Variants in HECTD4 observed in about 807,000 individuals in gnomAD.
HECTD4 encodes HECT domain E3 ubiquitin protein ligase 4.
Under a neutral mutation model 471.5 loss-of-function variants are expected in HECTD4, and 114 were observed. The observed-to-expected ratio is 0.24, with a 90% CI of 0.21 to 0.28. The LOEUF is 0.28. HECTD4 is among the 10% of genes least tolerant of loss of function. HECTD4 has a pLI of 1.00. For synonymous variants in HECTD4, 2,012 were observed against 2,256.0 expected, an observed-to-expected ratio of 0.89 and a Z score of 3.07; for missense variants, 3,866 against 5,651.5, an observed-to-expected ratio of 0.68 and a Z score of 10.13.
chr12:112,267,810 A>G (rs1005773428), intron 13 of HECTD4, among the ~76,000 whole-genome samples: 1 of 152,114 alleles, frequency 6.6e-6, no homozygotes, highest in Non-Finnish European at 1.5e-5. Flanking sequence ...GTGTGTGCTT[A>G]TATGTGTGCA....
At chr12:112,190,701 A>G (rs2032047742) in intron 60 of HECTD4, 85 bp downstream of exon 60, 3 of 1,345,894 alleles carry the variant, frequency 2.2e-6, no homozygotes, top group South Asian at 2.9e-5. Context: ...GCCACTCCCT[A>G]CACCACCTGG....
intron 64 of HECTD4, among the ~76,000 whole-genome samples, chr12:112,178,440 C>T (rs1053236020): frequency 2.6e-5 from 4 of 152,250 alleles, no homozygotes; most frequent in Non-Finnish European, 5.9e-5. Flanking sequence ...GGCTTTCCAG[C>T]CTTCATGGTC....
intron 10 of HECTD4, among the ~76,000 whole-genome samples, chr12:112,274,097 C>T (rs987767805): frequency 2.6e-5 from 4 of 152,306 alleles, no homozygotes; most frequent in African/African-American, 9.6e-5. Context: ...ACATTAAAAA[C>T]ACAGGTATAA....
At position 112,231,770 on chromosome 12, in the gene HECTD4, A is replaced by G. The variant is rs2033386858; in HGVS notation, c.5998-55T>C. 10 of 1,451,560 alleles carry G rather than the reference A, an allele frequency of 6.9e-6. No homozygotes were observed. The East Asian group carries it at 2.4e-4, about 35-fold the overall frequency. 89.9% of individuals were successfully genotyped at this position (1,451,560 alleles called of 1,614,324 possible). ...TTCATTTCAGTCTTCCCAGCACTAT[A>G]TTTTTCAAGTCTATTTCCCCTCAAT... is the stretch of plus-strand genomic sequence containing the variant. On this transcript the variant is annotated intron_variant, in intron 38 of 75. Coordinates refer to ENST00000682272, the MANE Select transcript of HECTD4 (RefSeq NM_001388303.1).
intron 34 of HECTD4, among the ~76,000 whole-genome samples, chr12:112,238,618 T>A (rs2033569778): frequency 6.6e-6 from 1 of 152,078 alleles, no homozygotes; most frequent in South Asian, 2.1e-4. Context: ...TAGTCCTACT[T>A]GGGAGGCTGT....
chr12:112,331,120 G>A (rs2035838463), intron 1 of HECTD4, among the ~76,000 whole-genome samples: 2 of 152,110 alleles, frequency 1.3e-5, no homozygotes, highest in South Asian at 4.1e-4. Flanking sequence ...CACCCAGGCT[G>A]GAGTGCACTG....
At chr12:112,297,306 G>A (rs78228698) in intron 7 of HECTD4, among the ~76,000 whole-genome samples, 2 of 151,672 alleles carry the variant, frequency 1.3e-5, no homozygotes, top group South Asian at 4.2e-4. Context: ...GGGTGTAGGT[G>A]CAGTGGATGT....
chr12:112,207,864 A>G lies in HECTD4; in HGVS notation c.8131+10T>C. 6.2e-7 allele frequency: 1 copy of G among 1,612,778 alleles called. No homozygotes were observed. Among genetic ancestry groups the G allele is most frequent in the South Asian group, 1.1e-5 (1 of 91,012 alleles). On this transcript the variant is annotated intron_variant, in intron 52 of 75. Transcript: ENST00000682272. ...AAGTAACCTCCTTAGCAGAACAAAA[A>G]GTACCAGACCTAGTTGTAAGGCCCC...
intron 7 of HECTD4, among the ~76,000 whole-genome samples, chr12:112,301,076 C>T (rs1256327220): frequency 2.0e-5 from 3 of 150,240 alleles, no homozygotes; most frequent in East Asian, 3.9e-4. Context: ...TTAGTAGAGA[C>T]GGGGTTTCAC....
chr12:112,232,117 T>C (rs1239661613), intron 38 of HECTD4, among the ~76,000 whole-genome samples: 1 of 152,106 alleles, frequency 6.6e-6, no homozygotes, highest in Non-Finnish European at 1.5e-5. Context: ...TTTATGAGTA[T>C]GTGGATCCTA....
At chr12:112,259,602 C>T (rs2135598719) in intron 18 of HECTD4, among the ~76,000 whole-genome samples, 1 of 150,548 alleles carries the variant, frequency 6.6e-6, no homozygotes, top group Non-Finnish European at 1.5e-5. Flanking sequence ...TCACTGCAGC[C>T]TTGATCTCCT....
chr12:112,325,955 C>T (rs1248665099), intron 1 of HECTD4, among the ~76,000 whole-genome samples: 1 of 151,992 alleles, frequency 6.6e-6, no homozygotes, highest in Non-Finnish European at 1.5e-5. Flanking sequence ...CACCACCACA[C>T]TCGGCTAATT....
At chr12:112,295,112 C>T (rs1234761313) in intron 7 of HECTD4, among the ~76,000 whole-genome samples, 2 of 149,604 alleles carry the variant, frequency 1.3e-5, no homozygotes, top group East Asian at 2.0e-4. Context: ...CGAGGCTAGC[C>T]GAGGCAACAT....
intron 52 of HECTD4, among the ~76,000 whole-genome samples, chr12:112,207,106 A>G (rs902121233): frequency 4.7e-5 from 7 of 148,036 alleles, no homozygotes; most frequent in Non-Finnish European, 7.4e-5. Flanking sequence ...GTTTATGTAT[A>G]TGTGTGTGTG....
chr12:112,187,576 G>A (rs145131132), intron 60 of HECTD4, among the ~76,000 whole-genome samples: 128 of 149,520 alleles, frequency 8.6e-4, no homozygotes, highest in African/African-American at 3.0e-3. Flanking sequence ...TTATGCCAAT[G>A]GATACTAATT....
At chr12:112,278,074 G>T (rs572724035) in intron 9 of HECTD4, among the ~76,000 whole-genome samples, 16 of 152,100 alleles carry the variant, frequency 1.1e-4, no homozygotes, top group Non-Finnish European at 1.8e-4. Flanking sequence ...TAAAAATCAA[G>T]CAAATAAACA....
chr12:112,371,573 C>T (rs1258269363), intron 1 of HECTD4, among the ~76,000 whole-genome samples: 3 of 148,782 alleles, frequency 2.0e-5, no homozygotes, highest in African/African-American at 7.4e-5. Context: ...GAAACTCCAT[C>T]TCAAAAAGAA....
At chr12:112,281,958 G>C (rs530649874) in intron 8 of HECTD4, among the ~76,000 whole-genome samples, 2 of 151,948 alleles carry the variant, frequency 1.3e-5, no homozygotes, top group Middle Eastern at 6.9e-3. Flanking sequence ...TGTTTTTGGG[G>C]GTCATAGATG....
At position 112,334,078 on chromosome 12, in the gene HECTD4, T is replaced by C. The variant is rs2035892938; in HGVS notation, c.178-14336A>G. Among the ~76,000 whole-genome samples the C allele has an allele frequency of 4.0e-5, 6 of 151,890 alleles. No homozygotes were observed. The South Asian group carries it at 1.2e-3, about 32-fold the overall frequency. Reference sequence around the variant, plus strand: ...CACAAAAATTAGCTGGGTGTGGTGGTGCGTGCTGTAGTCCCAGCCACTTGG... The same window carrying C: ...CACAAAAATTAGCTGGGTGTGGTGGCGCGTGCTGTAGTCCCAGCCACTTGG... On this transcript the variant is annotated intron_variant, in intron 1 of 75. Coordinates refer to ENST00000682272, the MANE Select transcript of HECTD4 (RefSeq NM_001388303.1).
Sources: allele counts gnomAD v4.1 joint callset (sites outside exome capture counted in the v4.1 genomes callset), GRCh38; gene constraint gnomAD v4.1.1; transcripts MANE v1.5; gene names NCBI Gene and HGNC (gene_info 2026-07-23, HGNC 2026-07-21).